MPEG1: variants seen among roughly 807,000 people sequenced by gnomAD.
MPEG1 encodes macrophage expressed 1, also known as macrophage-expressed gene 1 protein.
For missense variants in MPEG1, 876 were observed against 880.3 expected, an observed-to-expected ratio of 1.00 and a Z score of 0.06; for synonymous variants, 365 against 351.9, an observed-to-expected ratio of 1.04 and a Z score of -0.42.
chr11:59,211,001 A>G lies in MPEG1; in HGVS notation c.1865T>C (p.Ile622Thr), dbSNP rs1279095839. ...VTNSENARSW[I>T]KDSQTHQWRL... ...CCACTGGTGGGTCTGGGAGTCTTTA[A>G]TCCAGGATCTCGCATTCTCAGAATT... Residue 622 changes from isoleucine (I) to threonine (T), a missense_variant, in exon 1 of 1, where the codon ATT (isoleucine) becomes ACT (threonine). Coordinates refer to ENST00000361050, the MANE Select transcript of MPEG1 (RefSeq NM_001039396.2). The G allele has an allele frequency of 9.3e-6, 15 of 1,613,960 alleles. No homozygotes were observed. The highest frequency in any genetic ancestry group is 1.3e-5 in the Non-Finnish European group (15 of 1,180,022).
rs1444040038 is a variant in MPEG1 at position 59,212,836 on chromosome 11, G to C, written c.30C>G (p.Phe10Leu). 11 of 1,614,116 alleles carry C rather than the reference G, an allele frequency of 6.8e-6. No homozygotes were observed. Among genetic ancestry groups the C allele is most frequent in the Non-Finnish European group, 9.3e-6 (11 of 1,179,982 alleles). Residue 10 changes from phenylalanine to leucine, a missense_variant, in exon 1 of 1, where the codon TTC becomes TTG. Physicochemically the swap from Phe to Leu is conservative, Grantham distance 22. Transcript: ENST00000361050. ...ATTTAGCCCATGCTGCCGCTGCCCA[G>C]AAGAGGATGGTGGCCCTGAAGTTGT... MNNFRATIL[F>L]WAAAAWAKSG...
Position 59,211,041 on chromosome 11 carries a change from T to C in MPEG1, c.1825A>G (p.Thr609Ala). 6.2e-7 allele frequency: 1 copy of C among 1,614,056 alleles called. No homozygotes were observed. The highest frequency in any genetic ancestry group is 8.5e-7 in the Non-Finnish European group (1 of 1,179,996). The change falls in exon 1 of 1, where the codon ACT becomes GCT. Residue 609 changes from threonine (T) to alanine (A), a missense_variant. Thr to Ala is a moderately conservative substitution (Grantham distance 58, BLOSUM62 0). Coordinates refer to ENST00000361050, the MANE Select transcript of MPEG1 (RefSeq NM_001039396.2). ...TTCTCAGAATTGGTCACTATGACAG[T>C]ATTGGTGGCAGCCTGACTCATGAGG... is the stretch of plus-strand genomic sequence containing the variant. ...PPLMSQAATNTVIVTNSENAR... is the reference protein window; with the variant it reads ...PPLMSQAATNAVIVTNSENAR...
Position 59,210,666 on chromosome 11 carries a change from T to C in MPEG1, c.*49A>G, listed in dbSNP as rs1862875959. On this transcript the variant is annotated 3_prime_UTR_variant, in exon 1 of 1. Transcript: ENST00000361050. ...TTCAATGCTTAGGAAAACAGAGTGG[T>C]CAGCAATGACCACACTGGAGATGAG... 6 of 1,541,176 alleles carry C rather than the reference T, an allele frequency of 3.9e-6. No homozygotes were observed. Among genetic ancestry groups the C allele is most frequent in the Non-Finnish European group, 5.3e-6 (6 of 1,128,134 alleles).
Position 59,210,266 on chromosome 11 carries a change from C to G in MPEG1, c.*449G>C, listed in dbSNP as rs1862871975. 1.3e-5 allele frequency: 2 copies of G among 157,180 alleles called. No homozygotes were observed. The allele number at this position is 157,180 out of a possible 1,614,324, so 9.7% of individuals were successfully genotyped here. On this transcript the variant is annotated 3_prime_UTR_variant, in exon 1 of 1. Coordinates refer to ENST00000361050, the MANE Select transcript of MPEG1 (RefSeq NM_001039396.2). Reference sequence around the variant, plus strand: ...GACTTGTGTCTTTTCAGGGCTCTTCCAGGCTCTAAGAGTGTGAAATTCAGA... The same window carrying G: ...GACTTGTGTCTTTTCAGGGCTCTTCGAGGCTCTAAGAGTGTGAAATTCAGA...
In MPEG1 at chr11:59,212,622, C is replaced by T. The variant is rs751007088; in HGVS notation, c.244G>A (p.Asp82Asn). Residue 82 changes from aspartate to asparagine, a missense_variant, in exon 1 of 1, where the codon GAT becomes AAT. Physicochemically the swap from Asp to Asn is conservative, Grantham distance 23. Coordinates refer to ENST00000361050, the MANE Select transcript of MPEG1 (RefSeq NM_001039396.2). ...TTCTGGGGAATGGTGAAGATTTCATCAGGGATGATATACTGTCCATCCTCT... is the reference window on the plus strand; with the variant it reads ...TTCTGGGGAATGGTGAAGATTTCATTAGGGATGATATACTGTCCATCCTCT... ...TTEDGQYIIP[D>N]EIFTIPQKQS... 1.6e-5 allele frequency: 26 copies of T among 1,614,224 alleles called. No homozygotes were observed. Among genetic ancestry groups the T allele is most frequent in the Non-Finnish European group, 2.1e-5 (25 of 1,180,044 alleles).
rs994982247 is a variant in MPEG1 at position 59,210,256 on chromosome 11, A to G, written c.*459T>C. 2.6e-5 allele frequency: 4 copies of G among 156,160 alleles called. No homozygotes were observed. Among genetic ancestry groups the G allele is most frequent in the African/African-American group, 7.2e-5 (3 of 41,496 alleles). 9.7% of individuals were successfully genotyped at this position (156,160 alleles called of 1,614,324 possible). ...AGCCAGGCAAGACTTGTGTCTTTTC[A>G]GGGCTCTTCCAGGCTCTAAGAGTGT... On this transcript the variant is annotated 3_prime_UTR_variant, in exon 1 of 1. Transcript: ENST00000361050.
chr11:59,211,953 G>A lies in MPEG1; in HGVS notation c.913C>T (p.Arg305Cys), dbSNP rs768506219. The A allele has an allele frequency of 1.6e-5, 26 of 1,611,932 alleles. No individual in the cohort carries two copies. The Middle Eastern group carries it at 5.0e-4, about 31-fold the overall frequency. ...AAGAAATGCAGCGGCAGGCCAGAGC[G>A]GTCGATGGCCACCAGGTGGTTGGTG... The part of the protein sequence containing the change: ...GITNHLVAID[R>C]SGLPLHFFIN... Residue 305 changes from arginine (R) to cysteine (C), a missense_variant, in exon 1 of 1, where the codon CGC (arginine) becomes TGC (cysteine). Transcript: ENST00000361050.
At position 59,211,141 on chromosome 11, in the gene MPEG1, G is replaced by A; in HGVS notation, c.1725C>T (p.Ser575=). The A allele has an allele frequency of 6.2e-7, 1 of 1,614,210 alleles. No homozygotes were observed. The highest frequency in any genetic ancestry group is 2.2e-5 in the East Asian group (1 of 44,890). ...PALISDGCQV[S]YCVKSGLFTG... Reference sequence around the variant, plus strand: ...TGAAGAGCCCGGATTTGACGCAATAGGACACTTGGCATCCATCGCTGATGA... The same window carrying A: ...TGAAGAGCCCGGATTTGACGCAATAAGACACTTGGCATCCATCGCTGATGA... The change falls in exon 1 of 1, where the codon TCC becomes TCT. Residue 575 remains serine, a synonymous_variant. Transcript: ENST00000361050.
rs189108305 is a variant in MPEG1 at position 59,211,618 on chromosome 11, G to C, written c.1248C>G (p.Tyr416Ter). 1.6e-5 allele frequency: 26 copies of C among 1,614,202 alleles called. No individual in the cohort carries two copies. Among genetic ancestry groups the C allele is most frequent in the Middle Eastern group, 3.3e-4 (2 of 6,062 alleles). The change falls in exon 1 of 1, where the codon TAC becomes TAG. Residue 416 changes from tyrosine to a stop codon, truncating the protein, a stop_gained. Coordinates refer to ENST00000361050, the MANE Select transcript of MPEG1 (RefSeq NM_001039396.2). LOFTEE classifies it low-confidence loss of function (END_TRUNC). Reference protein sequence around the residue: ...LTGDFSCPSGYSPVHLLSQIH... With the variant: ...LTGDFSCPSG The stretch of plus-strand genomic sequence containing the variant: ...TCTGGGATAACAGGTGCACCGGGGA[G>C]TAGCCAGAGGGGCAGGAGAAATCAC...
chr11:59,209,054 A>G lies in MPEG1; in HGVS notation c.*1661T>C, dbSNP rs1363457723. 2 of 152,216 alleles carry G rather than the reference A, an allele frequency of 1.3e-5. No homozygotes were observed. Among genetic ancestry groups the G allele is most frequent in the Non-Finnish European group, 2.9e-5 (2 of 68,048 alleles). 9.4% of individuals were successfully genotyped at this position (152,216 alleles called of 1,614,324 possible). A position where few individuals can be genotyped will look rare whatever the true frequency, so the allele number is the denominator to read the frequency against. ...GGCTAAAATGTACAAAACACCCAGA[A>G]CCCACAAAACACTCAGAGGTTTAGG... On this transcript the variant is annotated 3_prime_UTR_variant, in exon 1 of 1. Coordinates refer to ENST00000361050, the MANE Select transcript of MPEG1 (RefSeq NM_001039396.2).
Position 59,210,745 on chromosome 11 carries a change from AGTGGT to A in MPEG1, c.2116_2120del (p.Thr706LeufsTer75), listed in dbSNP as rs753776668. ...CTGGACTCTGCCCCTGCTCTTGGTA[AGTGGT>A]GTCTCCAGTTGCTGCAGTGCCTGGA... On this transcript the variant is annotated frameshift_variant, in exon 1 of 1. Transcript: ENST00000361050. LOFTEE classifies it low-confidence loss of function (END_TRUNC). 3.7e-6 allele frequency: 6 copies of A among 1,614,038 alleles called. No homozygotes were observed. The South Asian group carries it at 6.6e-5, about 18-fold the overall frequency.
rs1862874507 is a variant in MPEG1 at position 59,210,517 on chromosome 11, G to T, written c.*198C>A. On this transcript the variant is annotated 3_prime_UTR_variant, in exon 1 of 1. Coordinates refer to ENST00000361050, the MANE Select transcript of MPEG1 (RefSeq NM_001039396.2). ...CTATTTTAGTCCCAGAATCACTTTT[G>T]CTTCTAGTCCCAACTGTTCCCTCTC... The T allele has an allele frequency of 1.8e-6, 1 of 566,124 alleles. No homozygotes were observed. 35.1% of individuals were successfully genotyped at this position (566,124 alleles called of 1,614,324 possible).
chr11:59,212,667 A>G lies in MPEG1; in HGVS notation c.199T>C (p.Tyr67His), dbSNP rs1479857667. The G allele has an allele frequency of 1.2e-6, 2 of 1,614,196 alleles. No homozygotes were observed. Among genetic ancestry groups the G allele is most frequent in the South Asian group, 2.2e-5 (2 of 91,088 alleles). ...TCCTCTGTTGTCCTGCAGTTGGAGT[A>G]AGTCAATTCCATAACTCGTCCCATG... ...VDMGRVMELT[Y>H]SNCRTTEDGQ... Residue 67 changes from tyrosine to histidine, a missense_variant, in exon 1 of 1, where the codon TAC (tyrosine) becomes CAC (histidine). By Grantham distance (83) the Tyr-to-His change is moderately conservative. Transcript: ENST00000361050.
Position 59,212,794 on chromosome 11 carries a change from T to A in MPEG1, c.72A>T (p.Gly24=), listed in dbSNP as rs373328826. ...TTTGAACTCCAACTTCGTCCATCTCTCCCGAAGGCTTGCCTGATTTAGCCC... is the reference window on the plus strand; with the variant it reads ...TTTGAACTCCAACTTCGTCCATCTCACCCGAAGGCTTGCCTGATTTAGCCC... The part of the protein sequence containing the change: ...AAWAKSGKPS[G]EMDEVGVQKC... Residue 24 remains glycine, a synonymous_variant, in exon 1 of 1, where the codon GGA becomes GGT. Coordinates refer to ENST00000361050, the MANE Select transcript of MPEG1 (RefSeq NM_001039396.2). The A allele has an allele frequency of 2.3e-5, 37 of 1,614,076 alleles. No individual in the cohort carries two copies. The African/African-American group carries it at 4.3e-4, about 19-fold the overall frequency.
rs1216731413 is a variant in MPEG1 at position 59,211,733 on chromosome 11, A to C, written c.1133T>G (p.Phe378Cys). Residue 378 changes from phenylalanine to cysteine, a missense_variant, in exon 1 of 1, where the codon TTC becomes TGC. Transcript: ENST00000361050. ...SCEGKMTNFS[F>C]GGVYQECTQL... is the part of the protein sequence containing the mutation. Reference sequence around the variant, plus strand: ...AGTGCATTCCTGATAAACCCCACCGAAAGAGAAGTTGGTCATTTTCCCCTC... The same window carrying C: ...AGTGCATTCCTGATAAACCCCACCGCAAGAGAAGTTGGTCATTTTCCCCTC... The C allele has an allele frequency of 2.5e-6, 4 of 1,614,158 alleles. No individual in the cohort carries two copies. Among genetic ancestry groups the C allele is most frequent in the Non-Finnish European group, 3.4e-6 (4 of 1,180,042 alleles).
rs759930190 is a variant in MPEG1 at position 59,211,506 on chromosome 11, G to A, written c.1360C>T (p.Gln454Ter). 7 of 1,614,070 alleles carry A rather than the reference G, an allele frequency of 4.3e-6. No individual in the cohort carries two copies. In the African/African-American group the frequency reaches 5.3e-5, roughly 12 times the overall value. Residue 454 changes from glutamine (Q) to a stop codon, truncating the protein, a stop_gained, in exon 1 of 1, where the codon CAG (glutamine) becomes TAG (stop). Transcript: ENST00000361050. LOFTEE classifies it low-confidence loss of function (END_TRUNC). ...FCKTVCEDVF[Q>*]VAKAEFRAFW... is the part of the protein sequence containing the mutation. Reference sequence around the variant, plus strand: ...GCCCTAAATTCAGCTTTTGCCACCTGGAACACATCTTCACACACGGTCTTG... The same window carrying A: ...GCCCTAAATTCAGCTTTTGCCACCTAGAACACATCTTCACACACGGTCTTG...
Position 59,210,681 on chromosome 11 carries a change from C to T in MPEG1, c.*34G>A, listed in dbSNP as rs780000589. 1 of 1,585,504 alleles carries T rather than the reference C, an allele frequency of 6.3e-7. No individual in the cohort carries two copies. The highest frequency in any genetic ancestry group is 8.6e-7 in the Non-Finnish European group (1 of 1,161,286). ...AACAGAGTGGTCAGCAATGACCACA[C>T]TGGAGATGAGAGAAACCATTTTCGG... On this transcript the variant is annotated 3_prime_UTR_variant, in exon 1 of 1. Coordinates refer to ENST00000361050, the MANE Select transcript of MPEG1 (RefSeq NM_001039396.2).
In MPEG1 at chr11:59,212,595, G is replaced by A. The variant is rs773976024; in HGVS notation, c.271C>T (p.Gln91Ter). The change falls in exon 1 of 1, where the codon CAG (glutamine) becomes TAG (stop). Residue 91 changes from glutamine (Q) to a stop codon, truncating the protein, a stop_gained. Transcript: ENST00000361050. LOFTEE classifies it low-confidence loss of function (END_TRUNC). ...PDEIFTIPQK[Q>*]SNLEMNSEIL... ...TCTGAGTTCATCTCCAGGTTGCTCT[G>A]TTTCTGGGGAATGGTGAAGATTTCA... 8 of 1,614,114 alleles carry A rather than the reference G, an allele frequency of 5.0e-6. No homozygotes were observed. Among genetic ancestry groups the A allele is most frequent in the Non-Finnish European group, 6.8e-6 (8 of 1,180,052 alleles).
Position 59,211,260 on chromosome 11 carries a change from C to T in MPEG1, c.1606G>A (p.Val536Ile), listed in dbSNP as rs190160235. The T allele has an allele frequency of 2.5e-6, 4 of 1,614,198 alleles. No individual in the cohort carries two copies. Among genetic ancestry groups the T allele is most frequent in the South Asian group, 2.2e-5 (2 of 91,088 alleles). Residue 536 changes from valine (V) to isoleucine (I), a missense_variant, in exon 1 of 1, where the codon GTT becomes ATT. Coordinates refer to ENST00000361050, the MANE Select transcript of MPEG1 (RefSeq NM_001039396.2). Reference protein sequence around the residue: ...VPFGGFFSCTVGNPLVDPAIS... With the variant: ...VPFGGFFSCTIGNPLVDPAIS... ...GCAGGATCTACCAGGGGGTTCCCAA[C>T]TGTGCAGCTAAAGAACCCGCCAAAG... is the stretch of plus-strand genomic sequence containing the variant.
Sources: allele counts gnomAD v4.1 joint callset, GRCh38; gene constraint gnomAD v4.1.1; transcripts MANE v1.5; gene names NCBI Gene and HGNC (gene_info 2026-07-23, HGNC 2026-07-21).